The following PPARGC1A variants were observed in gnomAD, a reference collection of about 807,000 sequenced individuals.
The protein encoded by PPARGC1A is peroxisome proliferator-activated receptor gamma coactivator 1-alpha.
Under a neutral mutation model 88.7 loss-of-function variants are expected in PPARGC1A, and 25 were observed. The observed-to-expected ratio is 0.28, with a 90% CI of 0.21 to 0.39. The LOEUF is 0.39. Among genes scored for constraint, PPARGC1A ranks in the 10% least tolerant of loss-of-function variants. The probability of loss-of-function intolerance (pLI) is 1.00; values close to 1 mark genes in which losing one functional copy is unlikely to be tolerated. For missense variants in PPARGC1A, 880 were observed against 968.7 expected, an observed-to-expected ratio of 0.91 and a Z score of 1.22; for synonymous variants, 363 against 355.6, an observed-to-expected ratio of 1.02 and a Z score of -0.24.
At chr4:24,240,680 A>C in the PPARGC1A span, among the ~76,000 whole-genome samples, 1 of 152,194 alleles carries the variant, frequency 6.6e-6, no homozygotes, top group Non-Finnish European at 1.5e-5. Flanking sequence ...ATATCATCAA[A>C]ATTGGGATAT....
At chr4:23,941,968 C>G in the PPARGC1A span, among the ~76,000 whole-genome samples, 1 of 152,082 alleles carries the variant, frequency 6.6e-6, no homozygotes, top group African/African-American at 2.4e-5. Context: ...AGCCAGAGCT[C>G]TTTGGACTCC....
At chr4:24,026,950 T>C in the PPARGC1A span, among the ~76,000 whole-genome samples, 1 of 152,150 alleles carries the variant, frequency 6.6e-6, no homozygotes, top group Non-Finnish European at 1.5e-5. Context: ...ATTTTATAAA[T>C]AACACCTAAA....
chr4:24,452,425 A>C, the PPARGC1A span, among the ~76,000 whole-genome samples: 1 of 152,164 alleles, frequency 6.6e-6, no homozygotes, highest in African/African-American at 2.4e-5. Context: ...GGGAGGTCTA[A>C]GAAGTTCTAC....
At chr4:23,954,492 C>A in the PPARGC1A span, among the ~76,000 whole-genome samples, 2 of 151,968 alleles carry the variant, frequency 1.3e-5, no homozygotes, top group Admixed American at 1.3e-4. Context: ...CCAGAAAAAG[C>A]TCACATTTAA....
the PPARGC1A span, among the ~76,000 whole-genome samples, chr4:23,999,993 C>T: frequency 6.6e-6 from 1 of 152,100 alleles, no homozygotes; most frequent in Non-Finnish European, 1.5e-5. Flanking sequence ...AAAATGCTCT[C>T]GGGTGAGGCA....
At chr4:23,976,336 G>A in the PPARGC1A span, among the ~76,000 whole-genome samples, 12 of 152,214 alleles carry the variant, frequency 7.9e-5, no homozygotes, top group Admixed American at 7.9e-4. Flanking sequence ...CATGCACTGA[G>A]AAAGATAAGT....
At chr4:24,161,959 T>TAC in the PPARGC1A span, among the ~76,000 whole-genome samples, 27 of 118,732 alleles carry the variant, frequency 2.3e-4, 2 homozygotes, top group East Asian at 3.1e-3. Flanking sequence ...GAAATTGTGA[T>TAC]ATACACACAC....
the PPARGC1A span, among the ~76,000 whole-genome samples, chr4:24,375,295 GT>G: frequency 6.6e-6 from 1 of 152,136 alleles, no homozygotes; most frequent in Non-Finnish European, 1.5e-5. Flanking sequence ...GTCCCAAACT[GT>G]ACTGAAATCT....
chr4:23,948,356 G>C, the PPARGC1A span, among the ~76,000 whole-genome samples: 1 of 152,084 alleles, frequency 6.6e-6, no homozygotes, highest in Non-Finnish European at 1.5e-5. Context: ...CAGGAGGGAG[G>C]CAGGAAGACA....
the PPARGC1A span, among the ~76,000 whole-genome samples, chr4:24,301,217 C>T: frequency 4.6e-5 from 7 of 152,186 alleles, no homozygotes; most frequent in East Asian, 7.7e-4. Context: ...TTTTTTCAAT[C>T]TTCATCGTAA....
the PPARGC1A span, among the ~76,000 whole-genome samples, chr4:24,177,870 C>A: frequency 2.0e-5 from 3 of 152,110 alleles, no homozygotes; most frequent in Admixed American, 2.0e-4. Context: ...TAGGATAGAA[C>A]TATGGAATGA....
chr4:24,467,004 AGGGG>A, the PPARGC1A span, among the ~76,000 whole-genome samples: 1 of 134,636 alleles, frequency 7.4e-6, no homozygotes, highest in Non-Finnish European at 1.6e-5. Flanking sequence ...GGAGGAAGGA[AGGGG>A]AGAAAGAAAG....
At chr4:24,252,010 T>A in the PPARGC1A span, among the ~76,000 whole-genome samples, 1 of 152,320 alleles carries the variant, frequency 6.6e-6, no homozygotes, top group East Asian at 1.9e-4. Flanking sequence ...TTACTAATAA[T>A]ACTTTATTAC....
At chr4:23,850,015 A>C (rs1226266322) in intron 2 of PPARGC1A, among the ~76,000 whole-genome samples, 1 of 152,220 alleles carries the variant, frequency 6.6e-6, no homozygotes, top group Non-Finnish European at 1.5e-5. Flanking sequence ...AAAAGAAAAA[A>C]TCAGAACAGG....
At chr4:24,099,287 C>CAA in the PPARGC1A span, among the ~76,000 whole-genome samples, 2,501 of 66,752 alleles carry the variant, frequency 0.037, 111 homozygotes, top group African/African-American at 0.11. Flanking sequence ...CTCCCTCCTG[C>CAA]AAAAAAAAAA....
chr4:23,870,030 C>G (rs757220027), intron 2 of PPARGC1A, among the ~76,000 whole-genome samples: 1 of 152,108 alleles, frequency 6.6e-6, no homozygotes, highest in Non-Finnish European at 1.5e-5. Flanking sequence ...AAATGAAGTT[C>G]GGTATTTCAT....
the PPARGC1A span, among the ~76,000 whole-genome samples, chr4:24,464,446 G>A: frequency 2.0e-5 from 3 of 152,188 alleles, no homozygotes; most frequent in Admixed American, 6.5e-5. Flanking sequence ...ATCACTCATT[G>A]TTAACATTAG....
At chr4:23,847,639 T>C (rs1302782601) in intron 2 of PPARGC1A, among the ~76,000 whole-genome samples, 1 of 152,222 alleles carries the variant, frequency 6.6e-6, no homozygotes, top group East Asian at 1.9e-4. Context: ...GAACTCATAC[T>C]GTGAAATGCT....
At chr4:24,462,125 G>A in the PPARGC1A span, among the ~76,000 whole-genome samples, 3 of 152,034 alleles carry the variant, frequency 2.0e-5, no homozygotes, top group Non-Finnish European at 2.9e-5. Context: ...TCGCTCCAAC[G>A]CACAGGCTGG....
Sources: gnomAD v4.1 joint callset for allele counts (sites outside exome capture counted in the v4.1 genomes callset) on GRCh38, gnomAD v4.1.1 for gene constraint, MANE v1.5 for transcripts, NCBI Gene and HGNC (gene_info 2026-07-23, HGNC 2026-07-21) for gene names.